Variants in HERC2 observed in about 807,000 individuals in gnomAD.
HERC2 encodes the protein HECT and RLD domain containing E3 ubiquitin protein ligase 2.
Under a neutral mutation model 537.7 loss-of-function variants are expected in HERC2, and 102 were observed. The ratio of observed to expected loss-of-function variants is 0.19; its 90% CI spans 0.16 to 0.22. The LOEUF (loss-of-function observed/expected upper bound fraction) is 0.22, where lower values mean the gene tolerates loss of function less well. Among genes scored for constraint, HERC2 ranks in the 10% least tolerant of loss-of-function variants. The pLI, the probability that HERC2 is intolerant of heterozygous loss-of-function variation, is 1.00. For synonymous variants in HERC2, 2,224 were observed against 2,466.2 expected (o/e 0.90, Z 2.91); for missense variants, 4,236 against 6,198.2 (o/e 0.68, Z 10.63).
intron 23 of HERC2, among the ~76,000 whole-genome samples, chr15:28,239,076 G>C (rs557078617): frequency 2.6e-5 from 4 of 152,198 alleles, no homozygotes; most frequent in African/African-American, 9.6e-5. Flanking sequence ...AGTTAAATTA[G>C]AAATAGGTTT....
chr15:28,236,652 A>G (rs1902498285), intron 26 of HERC2, among the ~76,000 whole-genome samples: 1 of 151,944 alleles, frequency 6.6e-6, no homozygotes, highest in African/African-American at 2.4e-5. Flanking sequence ...CAGTGGTATG[A>G]TCATGACTCA....
chr15:28,224,178 GAAAC>G (rs1900851593), intron 35 of HERC2, among the ~76,000 whole-genome samples: 1 of 110,060 alleles, frequency 9.1e-6, no homozygotes, highest in Admixed American at 8.4e-5. Flanking sequence ...GAGAGAGAGA[GAAAC>G]AGACAGACAG....
chr15:28,192,003 G>A lies in HERC2; in HGVS notation c.8409C>T (p.Asp2803=), dbSNP rs538683762. 88 of 1,613,874 alleles carry A rather than the reference G, an allele frequency of 5.5e-5. No individual in the cohort carries two copies. Among genetic ancestry groups the A allele is most frequent in the South Asian group, 3.8e-4 (35 of 91,070 alleles). The change falls in exon 53 of 93, where the codon GAC becomes GAT. Residue 2803 remains aspartate (D), a synonymous_variant. Coordinates refer to ENST00000261609, the MANE Select transcript of HERC2 (RefSeq NM_004667.6). Reference sequence around the variant, plus strand: ...ATGACTGCCAGCAGGGCTCGCTGCCGTCAATGAGACGGGATGCCTGGTTCA... The same window carrying A: ...ATGACTGCCAGCAGGGCTCGCTGCCATCAATGAGACGGGATGCCTGGTTCA... The part of the protein sequence containing the change: ...SSVNQASRLI[D]GSEPCWQSSG...
intron 55 of HERC2, among the ~76,000 whole-genome samples, chr15:28,188,766 G>T (rs1054013654): frequency 4.6e-5 from 7 of 152,060 alleles, no homozygotes; most frequent in African/African-American, 1.7e-4. Context: ...GAGGGTTCCA[G>T]CATACTTTCT....
intron 86 of HERC2, chr15:28,117,402 AGT>A (rs1888389601): frequency 2.9e-6 from 2 of 696,096 alleles, no homozygotes; most frequent in Non-Finnish European, 5.2e-6. Context: ...CCCCAGGACT[AGT>A]GTGTCTGAAC....
rs1381382911 is a variant in HERC2 at position 28,125,180 on chromosome 15, T to C, written c.12816A>G (p.Thr4272=). 2 of 1,610,828 alleles carry C rather than the reference T, an allele frequency of 1.2e-6. No homozygotes were observed. Among genetic ancestry groups the C allele is most frequent in the South Asian group, 2.2e-5 (2 of 91,032 alleles). The change falls in exon 84 of 93, where the codon ACA becomes ACG. Residue 4272 remains threonine (T), a synonymous_variant. Coordinates refer to ENST00000261609, the MANE Select transcript of HERC2 (RefSeq NM_004667.6). The stretch of plus-strand genomic sequence containing the variant: ...GTTGTCCCTCATCATTGTCGCCCCA[T>C]GTATAAACCTCACCTGAATGAAGTG... The part of the protein sequence containing the change: ...VCCTEDGEVY[T]WGDNDEGQLG...
chr15:28,130,755 C>T (rs148989098), intron 81 of HERC2, among the ~76,000 whole-genome samples, 161 bp from the exon 82 acceptor site: 112 of 152,364 alleles, frequency 7.4e-4, no homozygotes, highest in African/African-American at 2.6e-3. Context: ...AATCTCAGCA[C>T]TCTCAGGAGG....
At chr15:28,198,569 AAAC>A in intron 49 of HERC2, 29 bp downstream of exon 49, 1 of 1,609,448 alleles carries the variant, frequency 6.2e-7, no homozygotes, top group Non-Finnish European at 8.5e-7. Flanking sequence ...CTCTAAGAAA[AAAC>A]AAAAGCACTG....
At position 28,274,898 on chromosome 15, in the gene HERC2, A is replaced by G. The variant is rs2075830972; in HGVS notation, c.643+7T>C. The G allele has an allele frequency of 3.7e-6, 6 of 1,606,712 alleles. No homozygotes were observed. The highest frequency in any genetic ancestry group is 5.1e-6 in the Non-Finnish European group (6 of 1,175,462). On this transcript the variant is annotated splice_region_variant and intron_variant, in intron 6 of 92. Transcript: ENST00000261609. ...AGCAGAACAACGCGCCACACCAGGG[A>G]CCGTACCTGATCGCCAGGCCCTGCG... is the stretch of plus-strand genomic sequence containing the variant.
chr15:28,284,920 A>G (rs1275077968), intron 4 of HERC2, among the ~76,000 whole-genome samples: 150 of 33,210 alleles, frequency 4.5e-3, no homozygotes, highest in African/African-American at 0.014. Flanking sequence ...TCCGTCTCGG[A>G]AAAAAAAAAA....
intron 63 of HERC2, 78 bp from the exon 64 acceptor site, chr15:28,175,734 C>T: frequency 7.1e-7 from 1 of 1,401,026 alleles, no homozygotes; most frequent in South Asian, 1.2e-5. Flanking sequence ...CTCATTGTCT[C>T]ACATCTTTCA....
chr15:28,142,039 T>C (rs1329441659), intron 76 of HERC2, among the ~76,000 whole-genome samples, 193 bp from the exon 77 acceptor site: 2 of 152,222 alleles, frequency 1.3e-5, no homozygotes, highest in Non-Finnish European at 2.9e-5. Context: ...GACAGTATCA[T>C]TCTACCTGTA....
rs558529201 is a variant in HERC2, at chr15:28,213,775, C to T, written c.6753G>A (p.Thr2251=). ...KITVQFSDMR[T]CRVCPLNQLK... is the part of the protein sequence containing the mutation. The stretch of plus-strand genomic sequence containing the variant: ...GCTGATTCAATGGGCAAACGCGACA[C>T]GTCCGCATGTCAGAGAACTGCACGG... The change falls in exon 42 of 93, where the codon ACG becomes ACA. Residue 2251 remains threonine, a synonymous_variant. Coordinates refer to ENST00000261609, the MANE Select transcript of HERC2 (RefSeq NM_004667.6). The T allele has an allele frequency of 1.5e-5, 24 of 1,613,986 alleles. No individual in the cohort carries two copies. The East Asian group carries it at 1.6e-4, about 10-fold the overall frequency.
At chr15:28,112,722 C>T (rs1373944760) in intron 92 of HERC2, among the ~76,000 whole-genome samples, 1 of 152,094 alleles carries the variant, frequency 6.6e-6, no homozygotes, top group African/African-American at 2.4e-5. Flanking sequence ...ATCCAACGAG[C>T]GGCCTCATTT....
intron 43 of HERC2, among the ~76,000 whole-genome samples, chr15:28,212,013 A>G (rs1204903923): frequency 3.3e-5 from 5 of 152,214 alleles, no homozygotes; most frequent in Non-Finnish European, 7.3e-5. Flanking sequence ...GCCAGGCTAC[A>G]GTCACAGTCT....
intron 7 of HERC2, among the ~76,000 whole-genome samples, chr15:28,273,507 A>G (rs2075794544): frequency 6.6e-6 from 1 of 152,230 alleles, no homozygotes; most frequent in Admixed American, 6.5e-5. Context: ...TTCTATCCTA[A>G]GACTGCAGAG....
intron 69 of HERC2, among the ~76,000 whole-genome samples, chr15:28,159,237 G>A (rs983665490): frequency 1.3e-5 from 2 of 152,008 alleles, no homozygotes; most frequent in African/African-American, 4.8e-5. Flanking sequence ...TTCTCGAGGA[G>A]TATCTTTGTG....
intron 64 of HERC2, 81 bp downstream of exon 64, chr15:28,175,431 A>G: frequency 3.8e-6 from 5 of 1,332,968 alleles, no homozygotes; most frequent in Middle Eastern, 2.1e-4. Flanking sequence ...CTGTGATTTC[A>G]ACAGGACGAA....
rs375512906 is a variant in HERC2 at position 28,274,845 on chromosome 15, G to A, written c.643+60C>T. The A allele has an allele frequency of 2.8e-4, 381 of 1,355,426 alleles. 3 individuals are homozygous for A. In the South Asian group the frequency reaches 3.3e-3, roughly 12 times the overall value. The allele number at this position is 1,355,426 out of a possible 1,614,324, so 84.0% of individuals were successfully genotyped here. ...GGCACATGGTGGCTGAACCGAGTTC[G>A]AAACCCAGTCTGTTGATGTATTAGG... On this transcript the variant is annotated intron_variant, in intron 6 of 92. Transcript: ENST00000261609.
Sources: allele counts gnomAD v4.1 joint callset (sites outside exome capture counted in the v4.1 genomes callset), GRCh38; gene constraint gnomAD v4.1.1; transcripts MANE v1.5; gene names NCBI Gene and HGNC (gene_info 2026-07-23, HGNC 2026-07-21).